The following DENND1A variants were observed in gnomAD, a reference collection of about 807,000 sequenced individuals.
The protein encoded by DENND1A is DENN domain-containing protein 1A.
Under a neutral mutation model 113.7 loss-of-function variants are expected in DENND1A, and 51 were observed. That is an observed-to-expected ratio of 0.45 (90% CI 0.36 to 0.57). The LOEUF (loss-of-function observed/expected upper bound fraction) is 0.57, where lower values mean the gene tolerates loss of function less well. Among genes scored for constraint, DENND1A ranks in the 20% least tolerant of loss-of-function variants. DENND1A has a pLI of 0.00. For missense variants in DENND1A, 1,258 were observed against 1,395.9 expected (o/e 0.90, Z 1.57); for synonymous variants, 565 against 570.8 (o/e 0.99, Z 0.14).
intron 1 of DENND1A, among the ~76,000 whole-genome samples, chr9:123,882,322 C>CAAAAAAAAAAAAAAAA (rs59820553): frequency 8.0e-6 from 1 of 124,396 alleles, no homozygotes. Context: ...AACCTTGTTT[C>CAAAAAAAAAAAAAAAA]AAAAAAAAAA....
chr9:123,747,824 G>C (rs117209659), intron 5 of DENND1A, among the ~76,000 whole-genome samples: 2 of 151,922 alleles, frequency 1.3e-5, no homozygotes, highest in African/African-American at 2.4e-5. Flanking sequence ...AATAAAATAC[G>C]GAAACGTAAA....
chr9:123,539,053 A>G (rs1402870813), intron 13 of DENND1A, among the ~76,000 whole-genome samples: 3 of 151,928 alleles, frequency 2.0e-5, no homozygotes, highest in Non-Finnish European at 4.4e-5. Flanking sequence ...ATTCCAACCA[A>G]TAAATGAAAA....
chr9:123,799,950 A>G (rs977652971), intron 2 of DENND1A, among the ~76,000 whole-genome samples: 1 of 152,252 alleles, frequency 6.6e-6, no homozygotes. Context: ...AGCACTATAA[A>G]TTCAATGACT....
intron 12 of DENND1A, among the ~76,000 whole-genome samples, chr9:123,582,254 C>G (rs1338360812): frequency 6.6e-6 from 1 of 152,202 alleles, no homozygotes; most frequent in Non-Finnish European, 1.5e-5. Flanking sequence ...GCCCTGATCT[C>G]TAGAGGTGGC....
chr9:123,385,055 T>A (rs1002307455), intron 22 of DENND1A, among the ~76,000 whole-genome samples: 3 of 152,214 alleles, frequency 2.0e-5, no homozygotes, highest in Non-Finnish European at 4.4e-5. Context: ...CCACTTGCCT[T>A]CCCTTCCCAT....
rs528520201 is a variant in DENND1A, at chr9:123,392,246, T to C, written c.1632-4388A>G. ...ATCTGCATCTCGGGAGTTTTTTTCA[T>C]GTGTCACATCGCGTGGACAAATCAG... On this transcript the variant is annotated intron_variant, in intron 21 of 23. Coordinates refer to ENST00000394215, the MANE Select transcript of DENND1A (RefSeq NM_001352964.2). Among the ~76,000 whole-genome samples the C allele has an allele frequency of 3.9e-5, 6 of 152,168 alleles. No individual in the cohort carries two copies. In the South Asian group the frequency reaches 1.2e-3, roughly 32 times the overall value.
chr9:123,809,747 T>C (rs1015495929), intron 2 of DENND1A, among the ~76,000 whole-genome samples: 22 of 152,326 alleles, frequency 1.4e-4, no homozygotes, highest in Admixed American at 5.9e-4. Flanking sequence ...CTCGGATCAC[T>C]GCAACCTCCA....
intron 5 of DENND1A, among the ~76,000 whole-genome samples, chr9:123,691,013 C>G (rs1051161181): frequency 1.3e-5 from 2 of 152,184 alleles, no homozygotes; most frequent in African/African-American, 4.8e-5. Flanking sequence ...AATGTGGGTA[C>G]AGTCAGCCTC....
chr9:123,801,173 A>G (rs1318757620), intron 2 of DENND1A, among the ~76,000 whole-genome samples: 1 of 152,200 alleles, frequency 6.6e-6, no homozygotes, highest in African/African-American at 2.4e-5. Flanking sequence ...ATATACATAC[A>G]ATTTACTATT....
chr9:123,493,439 G>A (rs550538600), intron 13 of DENND1A, among the ~76,000 whole-genome samples: 19 of 152,322 alleles, frequency 1.2e-4, no homozygotes, highest in East Asian at 7.7e-4. Flanking sequence ...CAGCGGGTCC[G>A]GATGAAAACT....
intron 5 of DENND1A, among the ~76,000 whole-genome samples, chr9:123,703,890 T>G (rs2066024609): frequency 6.6e-6 from 1 of 152,162 alleles, no homozygotes. Context: ...TGGTAGTGGT[T>G]ATACATCTGT....
intron 13 of DENND1A, among the ~76,000 whole-genome samples, chr9:123,476,549 T>C (rs901780724): frequency 6.6e-6 from 1 of 152,150 alleles, no homozygotes; most frequent in Non-Finnish European, 1.5e-5. Flanking sequence ...CAGCAGCACA[T>C]AGAGATTCCC....
At chr9:123,920,922 A>G (rs1292698580) in intron 1 of DENND1A, among the ~76,000 whole-genome samples, 1 of 152,102 alleles carries the variant, frequency 6.6e-6, no homozygotes, top group African/African-American at 2.4e-5. Context: ...TTGCACGCTC[A>G]TCTTACCTGT....
intron 21 of DENND1A, among the ~76,000 whole-genome samples, chr9:123,395,568 G>T (rs923079688): frequency 1.3e-5 from 2 of 152,006 alleles, no homozygotes; most frequent in Admixed American, 6.5e-5. Flanking sequence ...TTCTGCTCAT[G>T]TGTTTGGATA....
intron 12 of DENND1A, among the ~76,000 whole-genome samples, chr9:123,569,816 C>G (rs1023925534): frequency 5.3e-5 from 8 of 152,138 alleles, no homozygotes; most frequent in African/African-American, 1.7e-4. Context: ...ATTCTAGCAA[C>G]CAGCAAAGCA....
intron 1 of DENND1A, among the ~76,000 whole-genome samples, chr9:123,905,685 A>G (rs1852673435): frequency 6.6e-6 from 1 of 151,616 alleles, no homozygotes; most frequent in Non-Finnish European, 1.5e-5. Context: ...CACCCAATAC[A>G]GGAGCACAAA....
At chr9:123,809,983 A>C (rs1163087142) in intron 2 of DENND1A, among the ~76,000 whole-genome samples, 1 of 152,116 alleles carries the variant, frequency 6.6e-6, no homozygotes, top group African/African-American at 2.4e-5. Flanking sequence ...AACAATGAGA[A>C]TTTTAAAGGC....
At chr9:123,511,451 C>A (rs897380787) in intron 13 of DENND1A, among the ~76,000 whole-genome samples, 2 of 152,250 alleles carry the variant, frequency 1.3e-5, no homozygotes, top group African/African-American at 4.8e-5. Flanking sequence ...GTGCTGGGAA[C>A]AAGAAGCATG....
intron 7 of DENND1A, among the ~76,000 whole-genome samples, chr9:123,670,873 A>T (rs1244221278): frequency 1.3e-5 from 2 of 152,202 alleles, no homozygotes; most frequent in African/African-American, 4.8e-5. Context: ...TTACCCTGGC[A>T]AACAGGGGAG....
Sources: gnomAD v4.1 joint callset for allele counts (sites outside exome capture counted in the v4.1 genomes callset) on GRCh38, gnomAD v4.1.1 for gene constraint, MANE v1.5 for transcripts, NCBI Gene and HGNC (gene_info 2026-07-23, HGNC 2026-07-21) for gene names.